Variants in SORCS3 observed in about 807,000 individuals in gnomAD.
SORCS3 encodes sortilin related VPS10 domain containing receptor 3, also known as VPS10 domain-containing receptor SorCS3.
In SORCS3, 57 loss-of-function variants were observed where a neutral mutation model predicts 146.3. The ratio of observed to expected loss-of-function variants is 0.39; its 90% CI spans 0.31 to 0.49. SORCS3 has a LOEUF of 0.49. Among genes scored for constraint, SORCS3 ranks in the 20% least tolerant of loss-of-function variants. The pLI is 0.92. For synonymous variants in SORCS3, 653 were observed against 618.5 expected, an observed-to-expected ratio of 1.06 and a Z score of -0.83; for missense variants, 1,341 against 1,575.5, an observed-to-expected ratio of 0.85 and a Z score of 2.52.
chr10:104,868,064 T>C (rs2018479294), intron 2 of SORCS3, among the ~76,000 whole-genome samples: 2 of 152,222 alleles, frequency 1.3e-5, no homozygotes, highest in African/African-American at 4.8e-5. Context: ...CTATCCTTGC[T>C]TCATATTTTC....
intron 3 of SORCS3, among the ~76,000 whole-genome samples, chr10:104,940,221 TATATATATATATATATA>T (rs1272805845): frequency 0.011 from 167 of 15,244 alleles, 19 homozygotes; most frequent in Non-Finnish European, 0.014. Context: ...TATATATATA[TATATATATATATATATA>T]TTTTTTTTTT....
chr10:105,021,920 G>A (rs790641), intron 4 of SORCS3, among the ~76,000 whole-genome samples: 32,837 of 152,126 alleles, frequency 0.22, 3,621 homozygotes, highest in African/African-American at 0.28. Flanking sequence ...CTTAAAATGC[G>A]TATTGCTAAG....
chr10:105,129,357 T>A lies in SORCS3; in HGVS notation c.1213-10040T>A, dbSNP rs1181521. Among the ~76,000 whole-genome samples the A allele has an allele frequency of 1.8e-3, 188 of 105,638 alleles. 1 individual carries two copies. Among genetic ancestry groups the A allele is most frequent in the Non-Finnish European group, 3.0e-3 (158 of 53,380 alleles). 69.3% of individuals were successfully genotyped at this position (105,638 alleles called of 152,430 possible). A position where few individuals can be genotyped will look rare whatever the true frequency, so the allele number is the denominator to read the frequency against. On this transcript the variant is annotated intron_variant, in intron 7 of 26. Coordinates refer to ENST00000369701, the MANE Select transcript of SORCS3 (RefSeq NM_014978.3). Reference sequence around the variant, plus strand: ...TTTTTTTTTTTTTTTTTTTTTTTTTTACAAAACCCTACCAATCCACAGTCC... The same window carrying A: ...TTTTTTTTTTTTTTTTTTTTTTTTTAACAAAACCCTACCAATCCACAGTCC...
At chr10:104,677,304 T>C (rs1321866577) in intron 1 of SORCS3, among the ~76,000 whole-genome samples, 1 of 152,212 alleles carries the variant, frequency 6.6e-6, no homozygotes, top group Non-Finnish European at 1.5e-5. Context: ...GTTTGCTTTC[T>C]CTTTTGCAAA....
chr10:104,745,312 A>G (rs1288225941), intron 1 of SORCS3, among the ~76,000 whole-genome samples: 2 of 152,250 alleles, frequency 1.3e-5, no homozygotes, highest in Non-Finnish European at 2.9e-5. Flanking sequence ...CAATTGAGAA[A>G]GATGAACAGA....
At chr10:105,234,377 C>T (rs1277500900) in intron 20 of SORCS3, among the ~76,000 whole-genome samples, 1 of 150,712 alleles carries the variant, frequency 6.6e-6, no homozygotes, top group African/African-American at 2.4e-5. Flanking sequence ...CAGCATTTAT[C>T]TGTCTCAGTG....
At chr10:104,901,557 G>A (rs908397667) in intron 2 of SORCS3, among the ~76,000 whole-genome samples, 2 of 152,122 alleles carry the variant, frequency 1.3e-5, no homozygotes, top group Admixed American at 6.6e-5. Flanking sequence ...GCACTCTTGA[G>A]CCCCTTTCCT....
intron 1 of SORCS3, among the ~76,000 whole-genome samples, chr10:104,762,121 C>T (rs2017128104): frequency 6.6e-6 from 1 of 152,200 alleles, no homozygotes; most frequent in Non-Finnish European, 1.5e-5. Context: ...AGCCTTCATT[C>T]TCCACAGGTC....
intron 5 of SORCS3, among the ~76,000 whole-genome samples, chr10:105,077,549 CACACACACACACACACAG>C (rs979521658): frequency 2.5e-5 from 3 of 120,422 alleles, no homozygotes; most frequent in East Asian, 5.2e-4. Flanking sequence ...CACACACACA[CACACACACACACACACAG>C]AGGGATGGTA....
At chr10:105,255,005 G>T (rs547667135) in intron 23 of SORCS3, among the ~76,000 whole-genome samples, 54 of 151,644 alleles carry the variant, frequency 3.6e-4, no homozygotes, top group African/African-American at 1.2e-3. Context: ...TGGCTAACAC[G>T]GTGAAACCCC....
chr10:104,869,601 G>A (rs1007344143), intron 2 of SORCS3, among the ~76,000 whole-genome samples: 1 of 152,146 alleles, frequency 6.6e-6, no homozygotes, highest in African/African-American at 2.4e-5. Flanking sequence ...AGCATCTTTC[G>A]GATGGACCCT....
chr10:105,037,956 T>C (rs2055316871), intron 4 of SORCS3, among the ~76,000 whole-genome samples: 2 of 152,208 alleles, frequency 1.3e-5, no homozygotes, highest in Non-Finnish European at 1.5e-5. Flanking sequence ...GGCAGGCCAA[T>C]GTAATTAGGG....
At chr10:104,730,582 G>A (rs534139633) in intron 1 of SORCS3, among the ~76,000 whole-genome samples, 3 of 152,168 alleles carry the variant, frequency 2.0e-5, no homozygotes, top group Non-Finnish European at 4.4e-5. Context: ...GGCCCTTAGG[G>A]CATTTTTGTG....
intron 14 of SORCS3, among the ~76,000 whole-genome samples, chr10:105,186,419 A>T (rs2056476922): frequency 6.6e-6 from 1 of 152,010 alleles, no homozygotes; most frequent in Non-Finnish European, 1.5e-5. Flanking sequence ...ATTCTGTTGG[A>T]CTCGATGGCA....
At chr10:104,884,199 T>C (rs1261661108) in intron 2 of SORCS3, among the ~76,000 whole-genome samples, 1 of 152,194 alleles carries the variant, frequency 6.6e-6, no homozygotes, top group Non-Finnish European at 1.5e-5. Flanking sequence ...AGTTTCCAGT[T>C]TGCAACCCTG....
At chr10:104,747,300 A>G (rs1047505567) in intron 1 of SORCS3, among the ~76,000 whole-genome samples, 8 of 152,182 alleles carry the variant, frequency 5.3e-5, no homozygotes, top group Admixed American at 2.6e-4. Flanking sequence ...ATGGGCTTCT[A>G]GGGAAGTAAT....
intron 1 of SORCS3, among the ~76,000 whole-genome samples, chr10:104,756,404 A>C (rs2017051394): frequency 6.6e-6 from 1 of 152,184 alleles, no homozygotes; most frequent in African/African-American, 2.4e-5. Flanking sequence ...GCCTTGGTTT[A>C]TTTTTATCTA....
chr10:104,812,033 G>A (rs1002843874), intron 1 of SORCS3, among the ~76,000 whole-genome samples: 1 of 152,002 alleles, frequency 6.6e-6, no homozygotes, highest in South Asian at 2.1e-4. Flanking sequence ...AAAACAAAGA[G>A]GAATGAATAA....
At chr10:105,108,321 G>A (rs576747707) in intron 7 of SORCS3, among the ~76,000 whole-genome samples, 77 of 152,212 alleles carry the variant, frequency 5.1e-4, no homozygotes, top group Non-Finnish European at 8.7e-4. Context: ...GCGGGGGTTC[G>A]TCATGGAGCA....
Sources: allele counts gnomAD v4.1 joint callset (sites outside exome capture counted in the v4.1 genomes callset), GRCh38; gene constraint gnomAD v4.1.1; transcripts MANE v1.5; gene names NCBI Gene and HGNC (gene_info 2026-07-23, HGNC 2026-07-21).